Variants in TULP4 observed in about 807,000 individuals in gnomAD.
TULP4 encodes the protein TUB like protein 4.
Under a neutral mutation model 129.0 loss-of-function variants are expected in TULP4, and 16 were observed. The ratio of observed to expected loss-of-function variants is 0.12; its 90% CI spans 0.08 to 0.19. The LOEUF (loss-of-function observed/expected upper bound fraction) is 0.19. Ranked by LOEUF, TULP4 falls within the 10% of genes least tolerant of loss-of-function variation. The pLI, the probability that TULP4 is intolerant of heterozygous loss-of-function variation, is 1.00. For synonymous variants in TULP4, 998 were observed against 854.0 expected (o/e 1.17, Z -2.94); for missense variants, 1,842 against 2,059.1 (o/e 0.89, Z 2.04).
At chr6:158,336,892 T>C (rs1333742239) in intron 1 of TULP4, among the ~76,000 whole-genome samples, 2 of 152,176 alleles carry the variant, frequency 1.3e-5, no homozygotes, top group Admixed American at 6.5e-5. Context: ...TTGTTTAAGA[T>C]GTTTTCTTCC....
At chr6:158,444,092 A>C (rs1457866614) in intron 3 of TULP4, among the ~76,000 whole-genome samples, 1 of 151,344 alleles carries the variant, frequency 6.6e-6, no homozygotes, top group Non-Finnish European at 1.5e-5. Context: ...TGGTGGCGCA[A>C]GCCTGTAGTC....
chr6:158,458,291 A>G lies in TULP4; in HGVS notation c.860-3272A>G, dbSNP rs572303285. ...TCCAGACTTTTACCAAAAAGGATCC[A>G]TAAGATTTTCTGGCTAAAAGAGAAT... On this transcript the variant is annotated intron_variant, in intron 5 of 13. Transcript: ENST00000367097. Among the ~76,000 whole-genome samples, 10 of 152,358 alleles carry G rather than the reference A, an allele frequency of 6.6e-5. No individual in the cohort carries two copies. In the East Asian group the frequency reaches 1.3e-3, roughly 21 times the overall value.
At chr6:158,505,522 C>T (rs1293961458) in intron 13 of TULP4, among the ~76,000 whole-genome samples, 4 of 152,250 alleles carry the variant, frequency 2.6e-5, no homozygotes, top group Non-Finnish European at 5.9e-5. Context: ...ATTATCAGCC[C>T]CTCGCAGAAA....
chr6:158,453,474 ACT>A (rs1260403478), intron 5 of TULP4, among the ~76,000 whole-genome samples: 2 of 101,408 alleles, frequency 2.0e-5, no homozygotes, highest in Non-Finnish European at 3.7e-5. Flanking sequence ...ACAGAGCGAG[ACT>A]CTGTCTCACA....
intron 1 of TULP4, chr6:158,398,677 TA>T (rs1346426347): frequency 2.0e-5 from 3 of 152,256 alleles, no homozygotes; most frequent in East Asian, 3.8e-4. Context: ...CAGCTTAGTA[TA>T]ATTAGTTAAG....
intron 1 of TULP4, among the ~76,000 whole-genome samples, chr6:158,375,464 G>A (rs188624995): frequency 6.6e-6 from 1 of 152,340 alleles, no homozygotes; most frequent in East Asian, 1.9e-4. Context: ...CACAGTTCCA[G>A]TGTAACCAGA....
chr6:158,483,434 G>A (rs1779993189), intron 8 of TULP4, among the ~76,000 whole-genome samples: 1 of 152,138 alleles, frequency 6.6e-6, no homozygotes, highest in African/African-American at 2.4e-5. Flanking sequence ...CCAGGTTCAA[G>A]CGATCCTCCC....
At chr6:158,452,392 A>C in intron 5 of TULP4, 124 bp downstream of exon 5, 1 of 1,316,726 alleles carries the variant, frequency 7.6e-7, no homozygotes, top group Non-Finnish European at 1.0e-6. Context: ...TCTGGGCTTC[A>C]TGGAGTCTGT....
chr6:158,415,707 G>T (rs575375460), intron 2 of TULP4, among the ~76,000 whole-genome samples: 1 of 151,962 alleles, frequency 6.6e-6, no homozygotes, highest in Non-Finnish European at 1.5e-5. Context: ...TCTCAGGCAG[G>T]TCCTTCAGGA....
chr6:158,473,784 T>C (rs1161573783), intron 6 of TULP4, among the ~76,000 whole-genome samples: 3 of 152,100 alleles, frequency 2.0e-5, no homozygotes, highest in African/African-American at 7.2e-5. Context: ...CCTCCCAAAG[T>C]GCTGGGATTA....
At chr6:158,344,096 C>T (rs1218463749) in intron 1 of TULP4, among the ~76,000 whole-genome samples, 1 of 152,198 alleles carries the variant, frequency 6.6e-6, no homozygotes, top group Non-Finnish European at 1.5e-5. Context: ...TTGTAATCTC[C>T]TCCACCCTTA....
intron 1 of TULP4, among the ~76,000 whole-genome samples, chr6:158,383,551 T>G (rs1003035219): frequency 5.3e-5 from 8 of 152,220 alleles, no homozygotes. Flanking sequence ...ATAAAGGGAA[T>G]AGAAATGTGC....
intron 1 of TULP4, among the ~76,000 whole-genome samples, chr6:158,249,934 T>C (rs1347169883): frequency 1.3e-5 from 2 of 152,194 alleles, no homozygotes; most frequent in South Asian, 2.1e-4. Flanking sequence ...AGAAATTTGA[T>C]AGAGTAATAT....
At chr6:158,305,698 CT>C (rs1473935275) in intron 1 of TULP4, among the ~76,000 whole-genome samples, 1 of 86,090 alleles carries the variant, frequency 1.2e-5, no homozygotes, top group Non-Finnish European at 2.4e-5. Flanking sequence ...GAGGGAAACC[CT>C]GTCTCAAAAA....
At chr6:158,256,583 G>A (rs1778248555) in intron 1 of TULP4, among the ~76,000 whole-genome samples, 1 of 152,156 alleles carries the variant, frequency 6.6e-6, no homozygotes, top group African/African-American at 2.4e-5. Flanking sequence ...GAACTTTTTA[G>A]CATTTCCAAA....
At chr6:158,323,171 T>TGGACAGGCAGTGATGTTGGACAG (rs1779675653) in intron 1 of TULP4, among the ~76,000 whole-genome samples, 1 of 152,190 alleles carries the variant, frequency 6.6e-6, no homozygotes, top group African/African-American at 2.4e-5. Context: ...GGAACAAAAT[T>TGGACAGGCAGTGATGTTGGACAG]GCCCTTGTTG....
At chr6:158,250,404 C>T (rs1405347467) in intron 1 of TULP4, among the ~76,000 whole-genome samples, 1 of 152,120 alleles carries the variant, frequency 6.6e-6, no homozygotes, top group Non-Finnish European at 1.5e-5. Context: ...GATCTGCCTG[C>T]CTTGGCCTCC....
chr6:158,302,936 T>G (rs192331878), intron 1 of TULP4, among the ~76,000 whole-genome samples: 42 of 151,682 alleles, frequency 2.8e-4, no homozygotes, highest in African/African-American at 7.3e-4. Flanking sequence ...TGTGCTCTGG[T>G]GAACTTCATC....
chr6:158,328,794 C>A (rs553956374), intron 1 of TULP4, among the ~76,000 whole-genome samples: 1 of 152,120 alleles, frequency 6.6e-6, no homozygotes, highest in African/African-American at 2.4e-5. Context: ...GTTCATTCAT[C>A]TTCCCGCCTC....
Sources: gnomAD v4.1 joint callset for allele counts (sites outside exome capture counted in the v4.1 genomes callset) on GRCh38, gnomAD v4.1.1 for gene constraint, MANE v1.5 for transcripts, NCBI Gene and HGNC (gene_info 2026-07-23, HGNC 2026-07-21) for gene names.